The following PRKG1 variants were observed in gnomAD, a reference collection of about 807,000 sequenced individuals.
PRKG1 encodes cGMP-dependent protein kinase 1.
Under a neutral mutation model 88.1 loss-of-function variants are expected in PRKG1, and 35 were observed. That is an observed-to-expected ratio of 0.40 (90% CI 0.30 to 0.53). PRKG1 has a LOEUF of 0.53. Among genes scored for constraint, PRKG1 ranks in the 20% least tolerant of loss-of-function variants. The pLI, the probability that PRKG1 is intolerant of heterozygous loss-of-function variation, is 0.59. For synonymous variants in PRKG1, 303 were observed against 292.5 expected (o/e 1.04, Z -0.37); for missense variants, 540 against 839.8 (o/e 0.64, Z 4.41).
intron 2 of PRKG1, among the ~76,000 whole-genome samples, chr10:51,447,305 G>A (rs759309755): frequency 6.6e-6 from 1 of 151,966 alleles, no homozygotes; most frequent in Non-Finnish European, 1.5e-5. Context: ...CCCCACCCCA[G>A]TGCTGCAACT....
intron 3 of PRKG1, among the ~76,000 whole-genome samples, chr10:51,740,404 A>AT (rs1837402315): frequency 6.6e-6 from 1 of 152,210 alleles, no homozygotes; most frequent in Non-Finnish European, 1.5e-5. Context: ...TAATTATAAG[A>AT]TTTTTTAAAT....
At chr10:51,605,823 C>G (rs1366380116) in intron 3 of PRKG1, among the ~76,000 whole-genome samples, 1 of 152,128 alleles carries the variant, frequency 6.6e-6, no homozygotes, top group Non-Finnish European at 1.5e-5. Flanking sequence ...AATACTTGGT[C>G]TTAATGTTAG....
At chr10:51,209,242 C>G (rs1838149225) in intron 2 of PRKG1, among the ~76,000 whole-genome samples, 1 of 152,042 alleles carries the variant, frequency 6.6e-6, no homozygotes, top group Non-Finnish European at 1.5e-5. Context: ...GAAATGTATT[C>G]CTTTATTGGT....
intron 2 of PRKG1, among the ~76,000 whole-genome samples, chr10:51,436,475 T>C (rs1292090390): frequency 6.6e-6 from 1 of 151,670 alleles, no homozygotes; most frequent in Non-Finnish European, 1.5e-5. Flanking sequence ...TTCTTCCTCC[T>C]TCCCAAGGTG....
intron 5 of PRKG1, among the ~76,000 whole-genome samples, chr10:51,955,247 G>A (rs570290618): frequency 1.3e-5 from 2 of 151,994 alleles, no homozygotes; most frequent in Non-Finnish European, 2.9e-5. Context: ...CACTTTCCAC[G>A]GGAGGAAAAC....
chr10:51,245,813 A>G (rs1194632343), intron 2 of PRKG1: 1 of 152,120 alleles, frequency 6.6e-6, no homozygotes, highest in Non-Finnish European at 1.5e-5. Flanking sequence ...CATGGGAAGC[A>G]TATCATTTTA....
At chr10:52,152,441 T>A (rs1204601241) in intron 8 of PRKG1, among the ~76,000 whole-genome samples, 1 of 151,952 alleles carries the variant, frequency 6.6e-6, no homozygotes, top group Non-Finnish European at 1.5e-5. Context: ...AGAGTGACAT[T>A]AGGAAGGATT....
At chr10:51,144,664 A>G (rs191720061) in intron 1 of PRKG1, among the ~76,000 whole-genome samples, 88 of 152,314 alleles carry the variant, frequency 5.8e-4, no homozygotes, top group African/African-American at 2.0e-3. Context: ...CAAAATTAAT[A>G]TAAACACCAT....
chr10:52,034,642 A>C (rs886938486), intron 5 of PRKG1, among the ~76,000 whole-genome samples: 6 of 151,328 alleles, frequency 4.0e-5, no homozygotes, highest in African/African-American at 1.5e-4. Flanking sequence ...CAGTTTGGGG[A>C]TAGCACCAGG....
At chr10:51,254,823 C>A (rs1839515892) in intron 2 of PRKG1, among the ~76,000 whole-genome samples, 1 of 151,968 alleles carries the variant, frequency 6.6e-6, no homozygotes, top group African/African-American at 2.4e-5. Flanking sequence ...ACCTGAGGGA[C>A]AGGTAGCAGT....
chr10:52,180,424 G>A (rs1052644340), intron 9 of PRKG1, among the ~76,000 whole-genome samples: 7 of 152,148 alleles, frequency 4.6e-5, no homozygotes, highest in Admixed American at 3.3e-4. Flanking sequence ...TCATTTGGAC[G>A]TGTAGTGTTG....
intron 3 of PRKG1, among the ~76,000 whole-genome samples, chr10:51,478,467 C>A (rs1191380231): frequency 2.0e-5 from 3 of 151,854 alleles, no homozygotes; most frequent in Non-Finnish European, 4.4e-5. Flanking sequence ...TACTTCTGGC[C>A]AAATCCTTGA....
At chr10:51,422,865 G>T (rs1399812968) in intron 2 of PRKG1, among the ~76,000 whole-genome samples, 1 of 151,998 alleles carries the variant, frequency 6.6e-6, no homozygotes, top group Non-Finnish European at 1.5e-5. Flanking sequence ...TTTACTTAAA[G>T]GAATTATTCA....
intron 2 of PRKG1, among the ~76,000 whole-genome samples, chr10:51,341,565 G>A (rs547788604): frequency 1.3e-5 from 2 of 152,266 alleles, no homozygotes; most frequent in African/African-American, 4.8e-5. Context: ...ACCTCACAGT[G>A]TAAAGTGTGT....
Position 51,484,882 on chromosome 10 carries a change from C to T in PRKG1, c.592+17046C>T, listed in dbSNP as rs1465465529. Reference sequence around the variant, plus strand: ...GCTGCTGTTGTTGTTCTGTTAAGTACGTCCAGATTCTATCTGGCAATATTT... The same window carrying T: ...GCTGCTGTTGTTGTTCTGTTAAGTATGTCCAGATTCTATCTGGCAATATTT... On this transcript the variant is annotated intron_variant, in intron 3 of 17. Coordinates refer to ENST00000373980, the MANE Select transcript of PRKG1 (RefSeq NM_006258.4). Among the ~76,000 whole-genome samples the T allele has an allele frequency of 2.6e-5, 4 of 152,138 alleles. No homozygotes were observed. In the East Asian group the frequency reaches 7.7e-4, roughly 29 times the overall value.
intron 2 of PRKG1, among the ~76,000 whole-genome samples, chr10:51,427,134 A>G (rs1375178867): frequency 6.6e-6 from 1 of 152,190 alleles, no homozygotes; most frequent in Non-Finnish European, 1.5e-5. Context: ...AGGATCTAAA[A>G]TTGTTTTCAT....
At chr10:51,520,779 A>T (rs1235958470) in intron 3 of PRKG1, among the ~76,000 whole-genome samples, 1 of 152,252 alleles carries the variant, frequency 6.6e-6, no homozygotes, top group Non-Finnish European at 1.5e-5. Context: ...AAAAAGAATT[A>T]GAGGGAATTG....
intron 8 of PRKG1, among the ~76,000 whole-genome samples, chr10:52,148,679 T>C (rs1160239276): frequency 6.6e-6 from 1 of 151,900 alleles, no homozygotes; most frequent in African/African-American, 2.4e-5. Context: ...CTTAGTGGAG[T>C]GCCATGAGCG....
At chr10:51,508,978 A>G (rs1408879308) in intron 3 of PRKG1, among the ~76,000 whole-genome samples, 1 of 152,158 alleles carries the variant, frequency 6.6e-6, no homozygotes, top group Non-Finnish European at 1.5e-5. Flanking sequence ...GGCATTTCAG[A>G]TTTCAAATGA....
Sources: allele counts gnomAD v4.1 joint callset (sites outside exome capture counted in the v4.1 genomes callset), GRCh38; gene constraint gnomAD v4.1.1; transcripts MANE v1.5; gene names NCBI Gene and HGNC (gene_info 2026-07-23, HGNC 2026-07-21).